The following IRS2 variants were observed in gnomAD, a reference collection of about 807,000 sequenced individuals.
The protein encoded by IRS2 is insulin receptor substrate 2.
IRS2 carries 28 observed loss-of-function variants against 70.9 expected under a neutral mutation model. That is an observed-to-expected ratio of 0.39 (90% CI 0.29 to 0.54). The LOEUF (loss-of-function observed/expected upper bound fraction) is 0.54. Among genes scored for constraint, IRS2 ranks in the 20% least tolerant of loss-of-function variants. The probability of loss-of-function intolerance (pLI) is 0.59; values close to 1 mark genes in which losing one functional copy is unlikely to be tolerated. For missense variants in IRS2, 2,081 were observed against 2,024.1 expected, an observed-to-expected ratio of 1.03 and a Z score of -0.54; for synonymous variants, 1,217 against 981.9, an observed-to-expected ratio of 1.24 and a Z score of -4.48.
chr13:109,776,610 T>C (rs1566410208), intron 1 of IRS2, among the ~76,000 whole-genome samples: 2 of 152,228 alleles, frequency 1.3e-5, no homozygotes, highest in Non-Finnish European at 2.9e-5. Flanking sequence ...AATGTTGGTA[T>C]ACAACATATA....
rs140734721 is a variant in IRS2 at position 109,782,320 on chromosome 13, G to T, written c.3734C>A (p.Ala1245Asp). 6 of 1,611,582 alleles carry T rather than the reference G, an allele frequency of 3.7e-6. No individual in the cohort carries two copies. The highest frequency in any genetic ancestry group is 4.2e-6 in the Non-Finnish European group (5 of 1,179,440). ...GGSPMRRETSAGFQNGLNYIA... is the reference protein window; with the variant it reads ...GGSPMRRETSDGFQNGLNYIA... ...GTAGTTGAGACCATTCTGGAAGCCGGCAGAGGTCTCTCTGCGCATGGGCGA... is the reference window on the plus strand; with the variant it reads ...GTAGTTGAGACCATTCTGGAAGCCGTCAGAGGTCTCTCTGCGCATGGGCGA... Residue 1245 changes from alanine (A) to aspartate (D), a missense_variant, in exon 1 of 2, where the codon GCC (alanine) becomes GAC (aspartate). Physicochemically the swap from Ala to Asp is moderately radical, Grantham distance 126. Around this residue, in one of 4 missense-constraint regions of IRS2, gnomAD observed 1,615 missense variants for 1,459.5 expected, o/e 1.11. Transcript: ENST00000375856.
chr13:109,778,960 A>G (rs932968549), intron 1 of IRS2, among the ~76,000 whole-genome samples: 3 of 152,204 alleles, frequency 2.0e-5, no homozygotes, highest in Admixed American at 6.5e-5. Flanking sequence ...ATTCCCAAAC[A>G]ACAACGAAAC....
At position 109,785,709 on chromosome 13, in the gene IRS2, G is replaced by C. The variant is rs147430414; in HGVS notation, c.345C>G (p.Leu115=). 7.5e-6 allele frequency: 12 copies of C among 1,600,924 alleles called. No homozygotes were observed. The African/African-American group carries it at 1.2e-4, about 16-fold the overall frequency. ...CGGCGAAGTACTCGTCCTTGGTGTA[G>C]AGGGCGATCAGGTACTTGTGCTTGG... ...ADAKHKYLIA[L]YTKDEYFAVA... is the part of the protein sequence containing the mutation. Residue 115 remains leucine (L), a synonymous_variant, in exon 1 of 2, where the codon CTC becomes CTG. Coordinates refer to ENST00000375856, the MANE Select transcript of IRS2 (RefSeq NM_003749.3). The surrounding 1 kb of genome is among the most constrained non-coding windows in gnomAD (Gnocchi z 9.3).
chr13:109,783,684 G>A lies in IRS2; in HGVS notation c.2370C>T (p.Pro790=), dbSNP rs1366123866. Residue 790 remains proline (P), a synonymous_variant, in exon 1 of 2, where the codon CCC becomes CCT. Transcript: ENST00000375856. ...PPDFFSAALH[P]GGEPLRGVPG... ...GAACGCCCCTGAGCGGCTCCCCGCC[G>A]GGGTGCAGGGCTGCGGAGAAGAAGT... is the stretch of plus-strand genomic sequence containing the variant. 3 of 1,560,524 alleles carry A rather than the reference G, an allele frequency of 1.9e-6. No individual in the cohort carries two copies. The highest frequency in any genetic ancestry group is 1.7e-4 in the Middle Eastern group (1 of 5,986).
chr13:109,757,203 G>A lies in IRS2; in HGVS notation c.4013-895C>T, dbSNP rs115857629. 2.1e-3 allele frequency among the ~76,000 whole-genome samples: 319 copies of A among 152,230 alleles called. 2 individuals are homozygous for A. Among genetic ancestry groups the A allele is most frequent in the African/African-American group, 6.7e-3 (280 of 41,532 alleles). ...TTGGAAGATTTTGACCTTTCACAGC[G>A]TGCTGTTTTCTTCTTTCTAAGCTTC... On this transcript the variant is annotated intron_variant, in intron 1 of 1. Transcript: ENST00000375856.
At chr13:109,775,784 AC>A (rs1877559836) in intron 1 of IRS2, among the ~76,000 whole-genome samples, 1 of 151,204 alleles carries the variant, frequency 6.6e-6, no homozygotes, top group African/African-American at 2.4e-5. Context: ...ACACACACAC[AC>A]ACACACACAC....
intron 1 of IRS2, among the ~76,000 whole-genome samples, chr13:109,781,826 G>C (rs1036943340): frequency 6.6e-6 from 1 of 152,208 alleles, no homozygotes; most frequent in Non-Finnish European, 1.5e-5. Context: ...CTCCCACGCG[G>C]AAAACGTCAC....
Position 109,782,235 on chromosome 13 carries a change from C to A in IRS2, c.3819G>T (p.Pro1273=). 1 of 1,606,464 alleles carries A rather than the reference C, an allele frequency of 6.2e-7. No homozygotes were observed. The highest frequency in any genetic ancestry group is 1.7e-4 in the Middle Eastern group (1 of 6,010). ...GLPPQPQPPP[P]PLPQPGDKSS... The stretch of plus-strand genomic sequence containing the variant: ...TCTTGTCTCCCGGCTGAGGAAGCGG[C>A]GGCGGCGGCGGCTGCGGCTGGGGTG... The change falls in exon 1 of 2, where the codon CCG becomes CCT. Residue 1273 remains proline (P), a synonymous_variant. Transcript: ENST00000375856.
rs1023027019 is a variant in IRS2 at position 109,783,266 on chromosome 13, G to A, written c.2788C>T (p.Arg930Cys). The change falls in exon 1 of 2, where the codon CGC (arginine) becomes TGC (cysteine). Residue 930 changes from arginine to cysteine, a missense_variant. Transcript: ENST00000375856. ...AGGGGAGGCGCGGGCGGCGACAGGC[G>A]GGCCCCGGGCTCGCCAAAGTCGATG... ...INIDFGEPGA[R>C]LSPPAPPLLA... 6.9e-7 allele frequency: 1 copy of A among 1,448,840 alleles called. No individual in the cohort carries two copies. The highest frequency in any genetic ancestry group is 1.4e-5 in the South Asian group (1 of 70,394). 89.7% of individuals were successfully genotyped at this position (1,448,840 alleles called of 1,614,324 possible).
intron 1 of IRS2, among the ~76,000 whole-genome samples, chr13:109,772,638 C>A (rs1877478614): frequency 6.6e-6 from 1 of 151,592 alleles, no homozygotes. Context: ...TTGCACAAAG[C>A]AAACACTGCA....
chr13:109,762,030 A>G (rs2138912880), intron 1 of IRS2, among the ~76,000 whole-genome samples: 1 of 152,328 alleles, frequency 6.6e-6, no homozygotes, highest in South Asian at 2.1e-4. Flanking sequence ...CAGGCCTCCT[A>G]AACTTTTACC....
intron 1 of IRS2, among the ~76,000 whole-genome samples, chr13:109,776,400 T>A (rs1283298664): frequency 6.6e-6 from 1 of 152,236 alleles, no homozygotes; most frequent in Non-Finnish European, 1.5e-5. Context: ...CACATAAAAG[T>A]GACTCTATAC....
chr13:109,779,191 T>C (rs995954889), intron 1 of IRS2, among the ~76,000 whole-genome samples: 3 of 152,178 alleles, frequency 2.0e-5, no homozygotes, highest in African/African-American at 7.2e-5. Flanking sequence ...GAACCTTACC[T>C]CTCTGCTATC....
At chr13:109,778,347 G>A (rs1221312345) in intron 1 of IRS2, among the ~76,000 whole-genome samples, 2 of 152,172 alleles carry the variant, frequency 1.3e-5, no homozygotes, top group African/African-American at 2.4e-5. Context: ...CTTCTATGAA[G>A]TACTATTTTT....
chr13:109,782,875 G>T lies in IRS2; in HGVS notation c.3179C>A (p.Ser1060Ter). 1 of 1,570,440 alleles carries T rather than the reference G, an allele frequency of 6.4e-7. No individual in the cohort carries two copies. Among genetic ancestry groups the T allele is most frequent in the East Asian group, 2.3e-5 (1 of 42,978 alleles). ...GTCCCCGGTGTCCGAGGACAACGAT[G>T]AGGCGGCGCCCGGGCCCTGGGCGGT... ...VATAQGPGAA[S>*]SLSSDTGDNG... The change falls in exon 1 of 2, where the codon TCA (serine) becomes TAA (stop). Residue 1060 changes from serine (S) to a stop codon, truncating the protein, a stop_gained. Coordinates refer to ENST00000375856, the MANE Select transcript of IRS2 (RefSeq NM_003749.3). LOFTEE classifies it high-confidence loss of function.
Position 109,784,763 on chromosome 13 carries a change from T to A in IRS2, c.1291A>T (p.Met431Leu). ...AGGALQHSRS[M>L]SMPVAHSPPA... ...GGCGAGTGCGCCACGGGCATGGACA[T>A]GGAGCGGCTGTGTTGCAGCGCGCCC... The change falls in exon 1 of 2, where the codon ATG (methionine) becomes TTG (leucine). Residue 431 changes from methionine (M) to leucine (L), a missense_variant. This residue lies in a region of IRS2 where 1,615 missense variants were observed against 1,459.5 expected (regional missense o/e 1.11). Transcript: ENST00000375856. This position sits in a 1 kb window ranked among gnomAD's most constrained non-coding sequence, Gnocchi z 5.2. The A allele has an allele frequency of 8.0e-7, 1 of 1,247,652 alleles. No homozygotes were observed. Among genetic ancestry groups the A allele is most frequent in the Non-Finnish European group, 1.0e-6 (1 of 997,282 alleles). 77.3% of individuals were successfully genotyped at this position (1,247,652 alleles called of 1,614,324 possible).
intron 1 of IRS2, among the ~76,000 whole-genome samples, chr13:109,773,196 G>GTT (rs1877496637): frequency 6.6e-6 from 1 of 151,030 alleles, no homozygotes; most frequent in Non-Finnish European, 1.5e-5. Flanking sequence ...TAAAAAAAAA[G>GTT]AAAAAAACAA....
At chr13:109,756,346 G>T in intron 1 of IRS2, 38 bp from the exon 2 acceptor site, 1 of 1,603,452 alleles carries the variant, frequency 6.2e-7, no homozygotes, top group African/African-American at 1.3e-5. Flanking sequence ...GAGACCCTCA[G>T]GAGAACAGAG....
rs1271716330 is a variant in IRS2, at chr13:109,784,515, G to A, written c.1539C>T (p.Phe513=). ...CGGGCGTGTTGCTTCGGTGGCTGCA[G>A]AAGGCGCGCAGGTCGCCTGGGCTGG... is the stretch of plus-strand genomic sequence containing the variant. ...YGSSPGDLRA[F]CSHRSNTPES... Residue 513 remains phenylalanine (F), a synonymous_variant, in exon 1 of 2, where the codon TTC becomes TTT. Transcript: ENST00000375856. This position sits in a 1 kb window ranked among gnomAD's most constrained non-coding sequence, Gnocchi z 5.2. 2 of 1,542,742 alleles carry A rather than the reference G, an allele frequency of 1.3e-6. No homozygotes were observed. The highest frequency in any genetic ancestry group is 1.7e-6 in the Non-Finnish European group (2 of 1,146,318).
Sources: allele counts gnomAD v4.1 joint callset (sites outside exome capture counted in the v4.1 genomes callset), GRCh38; gene constraint gnomAD v4.1.1; regional missense constraint gnomAD v4.1.1; non-coding constraint Gnocchi (gnomAD v3.1); transcripts MANE v1.5; gene names NCBI Gene and HGNC (gene_info 2026-07-23, HGNC 2026-07-21).